The following KCNB2 variants were observed in gnomAD, a reference collection of about 807,000 sequenced individuals.
The protein encoded by KCNB2 is potassium voltage-gated channel subfamily B member 2.
In KCNB2, 15 loss-of-function variants were observed where a neutral mutation model predicts 61.5. The observed-to-expected ratio is 0.24, with a 90% CI of 0.16 to 0.38. KCNB2 has a LOEUF of 0.38. Ranked by LOEUF, KCNB2 falls within the 10% of genes least tolerant of loss-of-function variation. KCNB2 has a pLI of 1.00. For synonymous variants in KCNB2, 457 were observed against 446.0 expected (o/e 1.02, Z -0.31); for missense variants, 828 against 1,125.2 (o/e 0.74, Z 3.78).
chr8:72,600,355 A>G, intron 2 of KCNB2, among the ~76,000 whole-genome samples: 2 of 152,154 alleles, frequency 1.3e-5, no homozygotes, highest in East Asian at 3.9e-4. Flanking sequence ...AAAAAAACAA[A>G]CACTGCATGT....
intron 1 of KCNB2, among the ~76,000 whole-genome samples, chr8:72,547,432 C>T (rs1219542782): frequency 6.6e-6 from 1 of 152,136 alleles, no homozygotes; most frequent in Admixed American, 6.5e-5. Flanking sequence ...TAAAAACCTT[C>T]TGGAAAGGAT....
intron 2 of KCNB2, among the ~76,000 whole-genome samples, chr8:72,584,247 C>T (rs1478782963): frequency 2.6e-5 from 4 of 152,034 alleles, no homozygotes; most frequent in African/African-American, 9.7e-5. Flanking sequence ...AACATATAGA[C>T]ACACATATAA....
At position 72,597,374 on chromosome 8, in the gene KCNB2, A is replaced by G. The variant is rs571329652; in HGVS notation, c.579+29061A>G. Among the ~76,000 whole-genome samples the G allele has an allele frequency of 3.3e-5, 5 of 152,254 alleles. No individual in the cohort carries two copies. The South Asian group carries it at 6.2e-4, about 19-fold the overall frequency. On this transcript the variant is annotated intron_variant, in intron 2 of 2. Coordinates refer to ENST00000523207, the MANE Select transcript of KCNB2 (RefSeq NM_004770.3). ...ATAAATGACAGGATCAACCCACTGC[A>G]TAAAGGAATATGAAAGTCTGGAGTC...
intron 2 of KCNB2, among the ~76,000 whole-genome samples, chr8:72,719,500 C>G (rs994928636): frequency 6.6e-6 from 1 of 152,050 alleles, no homozygotes; most frequent in Non-Finnish European, 1.5e-5. Context: ...ATTTCTTTAG[C>G]AATTAGGCAC....
intron 2 of KCNB2, among the ~76,000 whole-genome samples, chr8:72,800,656 AC>A (rs962237534): frequency 1.3e-5 from 2 of 151,894 alleles, no homozygotes; most frequent in African/African-American, 4.8e-5. Flanking sequence ...TCAATAAATA[AC>A]TTTTGCCAAT....
chr8:72,540,696 C>T (rs1407671639), intron 1 of KCNB2, among the ~76,000 whole-genome samples: 2 of 152,084 alleles, frequency 1.3e-5, no homozygotes, highest in Non-Finnish European at 2.9e-5. Context: ...AATATGTATT[C>T]CCACCAACTC....
intron 2 of KCNB2, among the ~76,000 whole-genome samples, chr8:72,673,587 A>G (rs1487661722): frequency 1.3e-5 from 2 of 152,232 alleles, no homozygotes; most frequent in Non-Finnish European, 1.5e-5. Flanking sequence ...CATGTGTTAT[A>G]GACTACAATG....
intron 2 of KCNB2, among the ~76,000 whole-genome samples, chr8:72,580,678 A>G (rs991280040): frequency 3.1e-4 from 47 of 152,066 alleles, no homozygotes; most frequent in African/African-American, 9.2e-4. Flanking sequence ...CACTAAATCT[A>G]CATTTTGTCC....
chr8:72,735,253 A>C (rs1319655091), intron 2 of KCNB2, among the ~76,000 whole-genome samples: 5 of 152,134 alleles, frequency 3.3e-5, no homozygotes, highest in African/African-American at 1.2e-4. Flanking sequence ...CCAGGAAGTG[A>C]CTTTTTTTTA....
Position 72,792,188 on chromosome 8 carries a change from C to T in KCNB2, c.580-143747C>T, listed in dbSNP as rs115947368. 6.6e-3 allele frequency among the ~76,000 whole-genome samples: 1,005 copies of T among 152,298 alleles called. 10 individuals carry two copies. The highest frequency in any genetic ancestry group is 0.022 in the African/African-American group (911 of 41,564). ...GGCTCTGGGCCTGAGGTCTGGTCTC[C>T]GCCTTGCTCCAGGATGCCTTCTTGT... is the stretch of plus-strand genomic sequence containing the variant. On this transcript the variant is annotated intron_variant, in intron 2 of 2. Coordinates refer to ENST00000523207, the MANE Select transcript of KCNB2 (RefSeq NM_004770.3).
chr8:72,840,047 G>T (rs1239161813), intron 2 of KCNB2, among the ~76,000 whole-genome samples: 1 of 151,742 alleles, frequency 6.6e-6, no homozygotes, highest in African/African-American at 2.4e-5. Context: ...TCTCCTAATG[G>T]TCTCCCTCCC....
chr8:72,937,781 C>G lies in KCNB2; in HGVS notation c.2426C>G (p.Thr809Ser). Residue 809 changes from threonine to serine, a missense_variant, in exon 3 of 3, where the codon ACT becomes AGT. Physicochemically the swap from Thr to Ser is moderately conservative, Grantham distance 58 (BLOSUM62 1). Coordinates refer to ENST00000523207, the MANE Select transcript of KCNB2 (RefSeq NM_004770.3). ...RERRSFTEIDTGDDEDFLELP... is the reference protein window; with the variant it reads ...RERRSFTEIDSGDDEDFLELP... ...AGGAGGAGCTTCACTGAAATAGATACTGGTGACGACGAAGACTTCTTAGAG... is the reference window on the plus strand; with the variant it reads ...AGGAGGAGCTTCACTGAAATAGATAGTGGTGACGACGAAGACTTCTTAGAG... The G allele has an allele frequency of 2.5e-6, 4 of 1,613,932 alleles. No individual in the cohort carries two copies. Among genetic ancestry groups the G allele is most frequent in the Non-Finnish European group, 3.4e-6 (4 of 1,179,984 alleles).
chr8:72,928,442 C>T (rs1345422364), intron 2 of KCNB2, among the ~76,000 whole-genome samples: 13 of 151,946 alleles, frequency 8.6e-5, no homozygotes, highest in South Asian at 2.1e-4. Context: ...GTGATCCGTG[C>T]GCCTTGGCCT....
chr8:72,632,216 A>G (rs888620948), intron 2 of KCNB2, among the ~76,000 whole-genome samples: 4 of 152,174 alleles, frequency 2.6e-5, no homozygotes, highest in African/African-American at 9.7e-5. Flanking sequence ...ACAGCACTCC[A>G]GCCTGGGAGA....
chr8:72,541,465 G>C (rs1338061309), intron 1 of KCNB2, among the ~76,000 whole-genome samples: 1 of 152,070 alleles, frequency 6.6e-6, no homozygotes, highest in African/African-American at 2.4e-5. Context: ...GTAAAGTCAA[G>C]CTTGAACCTA....
At chr8:72,603,684 T>C (rs1805398356) in intron 2 of KCNB2, among the ~76,000 whole-genome samples, 1 of 152,178 alleles carries the variant, frequency 6.6e-6, no homozygotes, top group Non-Finnish European at 1.5e-5. Context: ...GTCCTCATCC[T>C]TCTAAAAACT....
At chr8:72,881,980 A>G (rs1193150401) in intron 2 of KCNB2, among the ~76,000 whole-genome samples, 1 of 152,238 alleles carries the variant, frequency 6.6e-6, no homozygotes, top group East Asian at 1.9e-4. Context: ...TCATTTTGGT[A>G]GGCTGGGAAA....
chr8:72,851,888 A>G (rs11989911), intron 2 of KCNB2, among the ~76,000 whole-genome samples: 119,218 of 139,706 alleles, frequency 0.85, 51,886 homozygotes, highest in Middle Eastern at 0.96. Flanking sequence ...TACTGTCATT[A>G]CAGGTTCCTG....
chr8:72,618,864 A>G (rs1805661853), intron 2 of KCNB2: 3 of 260,524 alleles, frequency 1.2e-5, no homozygotes, highest in South Asian at 1.0e-4. Flanking sequence ...CTTCAAAGGT[A>G]TGGTCTATCG....
Sources: allele counts gnomAD v4.1 joint callset (sites outside exome capture counted in the v4.1 genomes callset), GRCh38; gene constraint gnomAD v4.1.1; transcripts MANE v1.5; gene names NCBI Gene and HGNC (gene_info 2026-07-23, HGNC 2026-07-21).